Variants in PITPNC1 observed in about 807,000 individuals in gnomAD.
The protein encoded by PITPNC1 is phosphatidylinositol transfer protein cytoplasmic 1.
PITPNC1 carries 18 observed loss-of-function variants against 44.7 expected under a neutral mutation model. That is an observed-to-expected ratio of 0.40 (90% CI 0.28 to 0.60). PITPNC1 has a LOEUF of 0.60. PITPNC1 is among the 20% of genes least tolerant of loss of function. The pLI is 0.39. For synonymous variants in PITPNC1, 141 were observed against 149.6 expected, an observed-to-expected ratio of 0.94 and a Z score of 0.42; for missense variants, 290 against 418.4, an observed-to-expected ratio of 0.69 and a Z score of 2.68.
At chr17:67,383,335 A>AT (rs2037992461) in intron 1 of PITPNC1, among the ~76,000 whole-genome samples, 1 of 152,156 alleles carries the variant, frequency 6.6e-6, no homozygotes, top group Admixed American at 6.5e-5. Context: ...ACCAGGTCTG[A>AT]TTTAAGGCTC....
intron 2 of PITPNC1, among the ~76,000 whole-genome samples, chr17:67,549,333 C>T (rs760173606): frequency 6.6e-5 from 10 of 152,088 alleles, no homozygotes; most frequent in South Asian, 2.1e-4. Flanking sequence ...GCCAAGATTG[C>T]GCCACTGCAC....
chr17:67,527,697 T>C (rs2040408451), intron 1 of PITPNC1, among the ~76,000 whole-genome samples: 1 of 149,180 alleles, frequency 6.7e-6, no homozygotes, highest in Non-Finnish European at 1.5e-5. Flanking sequence ...CGAGACTCCA[T>C]CTCAAAAACA....
chr17:67,658,002 C>T (rs1002849291), intron 6 of PITPNC1, among the ~76,000 whole-genome samples: 3 of 152,190 alleles, frequency 2.0e-5, no homozygotes, highest in Admixed American at 6.5e-5. Flanking sequence ...ACTGAAGAAA[C>T]AAGCCAAGGG....
At chr17:67,406,321 T>G (rs2038400456) in intron 1 of PITPNC1, among the ~76,000 whole-genome samples, 1 of 151,966 alleles carries the variant, frequency 6.6e-6, no homozygotes, top group Admixed American at 6.6e-5. Context: ...CTAGAATATT[T>G]TCACTACTCC....
At chr17:67,627,956 T>C (rs1337296740) in intron 5 of PITPNC1, among the ~76,000 whole-genome samples, 1 of 149,904 alleles carries the variant, frequency 6.7e-6, no homozygotes, top group Non-Finnish European at 1.5e-5. Flanking sequence ...AGATGGCGTC[T>C]CACTGTGTCG....
chr17:67,401,227 G>A lies in PITPNC1; in HGVS notation c.48+23025G>A, dbSNP rs544313632. 3.3e-5 allele frequency among the ~76,000 whole-genome samples: 5 copies of A among 152,184 alleles called. No individual in the cohort carries two copies. The South Asian group carries it at 8.3e-4, about 25-fold the overall frequency. On this transcript the variant is annotated intron_variant, in intron 1 of 8. Transcript: ENST00000581322. ...TGGGATTACAGGCGTGAGCCACCGC[G>A]CCTGGCCAGTTTTCTTTCTTTTGAG...
intron 5 of PITPNC1, chr17:67,611,962 C>G (rs1171739222): frequency 6.6e-6 from 1 of 152,212 alleles, no homozygotes; most frequent in East Asian, 1.9e-4. Context: ...TTAGCGTTTC[C>G]TGGCAATTCC....
chr17:67,498,867 T>G (rs190562012), intron 1 of PITPNC1, among the ~76,000 whole-genome samples: 35 of 121,214 alleles, frequency 2.9e-4, no homozygotes, highest in African/African-American at 9.9e-4. Flanking sequence ...TTTTTTTTTT[T>G]GTTTGTTTTT....
intron 1 of PITPNC1, among the ~76,000 whole-genome samples, chr17:67,451,174 C>T (rs529036428): frequency 1.3e-5 from 2 of 151,806 alleles, no homozygotes; most frequent in South Asian, 4.2e-4. Flanking sequence ...TGGGACTACA[C>T]GCGCGCGCCA....
chr17:67,531,650 A>G (rs889465984), intron 1 of PITPNC1, among the ~76,000 whole-genome samples: 3 of 152,090 alleles, frequency 2.0e-5, no homozygotes, highest in African/African-American at 2.4e-5. Context: ...CCTTAATTTA[A>G]AATCTATTTC....
rs533768075 is a variant in PITPNC1 at position 67,505,044 on chromosome 17, C to T, written c.49-27758C>T. ...TTAATTTCCACATATTTATAAATTG[C>T]CTGAATTTCTAATTCTATTCCATTG... is the stretch of plus-strand genomic sequence containing the variant. On this transcript the variant is annotated intron_variant, in intron 1 of 8. Transcript: ENST00000581322. 3.6e-4 allele frequency among the ~76,000 whole-genome samples: 55 copies of T among 152,250 alleles called. 1 individual carries two copies. Among genetic ancestry groups the T allele is most frequent in the Admixed American group, 2.9e-3 (44 of 15,288 alleles).
intron 1 of PITPNC1, among the ~76,000 whole-genome samples, chr17:67,383,237 C>T (rs2080098472): frequency 6.6e-6 from 1 of 152,052 alleles, no homozygotes; most frequent in Admixed American, 6.6e-5. Context: ...GAGTTCATGC[C>T]CGGTGAGCCA....
intron 1 of PITPNC1, among the ~76,000 whole-genome samples, chr17:67,469,143 C>T (rs2039475689): frequency 6.6e-6 from 1 of 152,120 alleles, no homozygotes. Flanking sequence ...GTAATAAGAC[C>T]ATTGTTTACT....
chr17:67,569,679 A>G (rs1054918388), intron 4 of PITPNC1, among the ~76,000 whole-genome samples: 29 of 152,194 alleles, frequency 1.9e-4, no homozygotes, highest in African/African-American at 6.5e-4. Context: ...AACACCTATA[A>G]GATTCCTCTG....
chr17:67,616,095 G>T (rs1479232043), intron 5 of PITPNC1, among the ~76,000 whole-genome samples: 1 of 152,040 alleles, frequency 6.6e-6, no homozygotes, highest in Non-Finnish European at 1.5e-5. Context: ...TGATCCTTCC[G>T]CATGTACTTT....
intron 5 of PITPNC1, among the ~76,000 whole-genome samples, chr17:67,629,114 C>T (rs1165354067): frequency 3.3e-5 from 5 of 152,082 alleles, no homozygotes; most frequent in African/African-American, 1.2e-4. Context: ...CTGTCATGCC[C>T]CCCCTTCATC....
chr17:67,467,303 C>T (rs565725064), intron 1 of PITPNC1, among the ~76,000 whole-genome samples: 2 of 152,274 alleles, frequency 1.3e-5, no homozygotes, highest in South Asian at 4.1e-4. Flanking sequence ...ATCCACCCGC[C>T]TCAGCCTCCC....
intron 1 of PITPNC1, among the ~76,000 whole-genome samples, chr17:67,518,935 C>T (rs543224275): frequency 1.2e-4 from 19 of 152,290 alleles, no homozygotes; most frequent in African/African-American, 2.9e-4. Context: ...GAGCAAGACC[C>T]TTTCCCTAAA....
chr17:67,471,078 G>T, intron 1 of PITPNC1, among the ~76,000 whole-genome samples: 1 of 123,284 alleles, frequency 8.1e-6, no homozygotes, highest in Non-Finnish European at 1.7e-5. Flanking sequence ...AAGGCCGCAG[G>T]GTCCTCTGCC....
Sources: allele counts gnomAD v4.1 joint callset (sites outside exome capture counted in the v4.1 genomes callset), GRCh38; gene constraint gnomAD v4.1.1; transcripts MANE v1.5; gene names NCBI Gene and HGNC (gene_info 2026-07-23, HGNC 2026-07-21).